The following NPM3 variants were observed in gnomAD, a reference collection of about 807,000 sequenced individuals.
The protein encoded by NPM3 is nucleoplasmin-3.
NPM3 carries 12 observed loss-of-function variants against 18.1 expected under a neutral mutation model. That is an observed-to-expected ratio of 0.66 (90% CI 0.42 to 1.07). The LOEUF (loss-of-function observed/expected upper bound fraction) is 1.07. Among genes scored for constraint, NPM3 ranks in the 50% least tolerant of loss-of-function variants. The pLI is 0.00. For synonymous variants in NPM3, 116 were observed against 93.7 expected (o/e 1.24, Z -1.38); for missense variants, 274 against 232.1 (o/e 1.18, Z -1.17).
intron 1 of NPM3, 139 bp downstream of exon 1, chr10:101,783,134 G>A: frequency 3.6e-6 from 3 of 830,036 alleles, no homozygotes; most frequent in Non-Finnish European, 5.8e-6. Context: ...TTGGCTGTGC[G>A]TGCGAGGCCC....
chr10:101,781,561 A>G, exon 6 of NPM3: 1 of 292,164 alleles, frequency 3.4e-6, no homozygotes, highest in Non-Finnish European at 6.4e-6. Context: ...CTCTTCAAGG[A>G]AGAAATATTT....
At chr10:101,783,277 G>T (rs773885926) in exon 1 of NPM3, 17 of 1,602,724 alleles carry the variant, frequency 1.1e-5, no homozygotes, top group Non-Finnish European at 1.4e-5. Flanking sequence ...TAATACCGAA[G>T]AAAAAACTGT....
rs1267641019 is a variant in NPM3, at chr10:101,782,861, T to C, written c.182A>G (p.Glu61Gly). The C allele has an allele frequency of 6.2e-7, 1 of 1,614,186 alleles. No individual in the cohort carries two copies. The highest frequency in any genetic ancestry group is 1.7e-5 in the Admixed American group (1 of 60,028). The change falls in exon 2 of 6, where the codon GAG becomes GGG. Residue 61 changes from glutamate (E) to glycine (G), a missense_variant. Glu to Gly is a moderately conservative substitution (Grantham distance 98). Transcript: ENST00000370110. ...CACCATGGTTAGTGCCAGCACGTGCTCCGCATCATCCTCTTCCTCTACCTT... is the reference window on the plus strand; with the variant it reads ...CACCATGGTTAGTGCCAGCACGTGCCCCGCATCATCCTCTTCCTCTACCTT...
At chr10:101,781,739 G>A in exon 5 of NPM3, 1 of 1,613,938 alleles carries the variant, frequency 6.2e-7, no homozygotes, top group South Asian at 1.1e-5. Flanking sequence ...AGGAGGGCTA[G>A]GGCCTGCCCC....
chr10:101,782,695 C>G, intron 2 of NPM3, 98 bp from the exon 3 acceptor site: 1 of 1,592,738 alleles, frequency 6.3e-7, no homozygotes, highest in Non-Finnish European at 8.5e-7. Context: ...TCAGAGGTCC[C>G]GGTTCACCTG....
exon 3 of NPM3, chr10:101,782,536 T>C (rs2065149791): frequency 6.2e-7 from 1 of 1,613,882 alleles, no homozygotes; most frequent in African/African-American, 1.3e-5. Flanking sequence ...CTGATGGTCA[T>C]GGTTCCGGGC....
chr10:101,782,403 C>T (rs1461797543), intron 3 of NPM3, 52 bp from the exon 4 acceptor site: 3 of 1,605,190 alleles, frequency 1.9e-6, no homozygotes, highest in African/African-American at 1.3e-5. Context: ...CCACCCCACA[C>T]TGTAATGAGT....
exon 3 of NPM3, chr10:101,782,578 G>A: frequency 6.2e-7 from 1 of 1,613,940 alleles, no homozygotes; most frequent in East Asian, 2.2e-5. Flanking sequence ...CTCGTCTTTG[G>A]CTCCCTCGGT....
chr10:101,783,067 G>A (rs370985472), intron 1 of NPM3, 143 bp from the exon 2 acceptor site: 2 of 834,576 alleles, frequency 2.4e-6, no homozygotes, highest in South Asian at 3.2e-5. Flanking sequence ...GAACACCTGG[G>A]ACGCTCTGCC....
chr10:101,781,562 A>C, exon 6 of NPM3: 1 of 384,188 alleles, frequency 2.6e-6, no homozygotes, highest in Non-Finnish European at 4.8e-6. Flanking sequence ...TCTTCAAGGA[A>C]GAAATATTTA....
chr10:101,782,173 T>G, intron 4 of NPM3, 85 bp downstream of exon 4: 1 of 1,209,434 alleles, frequency 8.3e-7, no homozygotes, highest in Non-Finnish European at 1.2e-6. Flanking sequence ...GAGATGAGGG[T>G]GGGATGGGGC....
At chr10:101,783,389 A>G in exon 1 of NPM3, 1 of 1,604,488 alleles carries the variant, frequency 6.2e-7, no homozygotes, top group South Asian at 1.1e-5. Flanking sequence ...ACCGGCGGCC[A>G]TGCTGTAAGA....
intron 1 of NPM3, 81 bp downstream of exon 1, chr10:101,783,192 T>C: frequency 8.7e-7 from 1 of 1,143,060 alleles, no homozygotes; most frequent in Admixed American, 2.2e-5. Context: ...CACCCACGCC[T>C]TGAAACCCTC....
chr10:101,781,533 A>AACCC, exon 6 of NPM3: 1 of 278,984 alleles, frequency 3.6e-6, no homozygotes. Flanking sequence ...CTCCCACCCA[A>AACCC]CCCCCACCCA....
In NPM3 at chr10:101,782,639, G is replaced by A. The variant is rs761239903; in HGVS notation, c.205-42C>T. The stretch of plus-strand genomic sequence containing the variant: ...GGGCCTCAGGGTCTCCTCAAGTGAG[G>A]GTTGACACCACAACTAAAGGCATCT... On this transcript the variant is annotated intron_variant, in intron 2 of 5. Transcript: ENST00000370110. 15 of 1,611,558 alleles carry A rather than the reference G, an allele frequency of 9.3e-6. No individual in the cohort carries two copies. In the East Asian group the frequency reaches 3.1e-4, roughly 34 times the overall value.
exon 1 of NPM3, chr10:101,783,329 C>G (rs370030100): frequency 8.1e-6 from 13 of 1,612,982 alleles, no homozygotes; most frequent in South Asian, 2.2e-5. Flanking sequence ...CCCGACACCC[C>G]CGGCCCGCGT....
At chr10:101,781,885 G>C (rs747934828) in intron 4 of NPM3, 31 bp from the exon 5 acceptor site, 1 of 1,614,106 alleles carries the variant, frequency 6.2e-7, no homozygotes, top group South Asian at 1.1e-5. Flanking sequence ...AGAAGGATGG[G>C]GTGTTAAGAC....
exon 6 of NPM3, chr10:101,781,586 T>C: frequency 2.2e-6 from 1 of 454,218 alleles, no homozygotes; most frequent in Non-Finnish European, 3.5e-6. Context: ...TTGTTGAAAC[T>C]TGTCAGGGAA....
At chr10:101,782,307 G>A in exon 4 of NPM3, 1 of 1,614,074 alleles carries the variant, frequency 6.2e-7, no homozygotes, top group Non-Finnish European at 8.5e-7. Context: ...CCGACTTCAG[G>A]CGGAAGGTTA....
Sources: allele counts gnomAD v4.1 joint callset, GRCh38; gene constraint gnomAD v4.1.1; transcripts MANE v1.5; gene names NCBI Gene and HGNC (gene_info 2026-07-23, HGNC 2026-07-21).